Variants in MAPKAP1 observed in about 807,000 individuals in gnomAD.
MAPKAP1 encodes target of rapamycin complex 2 subunit MAPKAP1.
MAPKAP1 carries 20 observed loss-of-function variants against 65.7 expected under a neutral mutation model. The observed-to-expected ratio is 0.30, with a 90% confidence interval of 0.21 to 0.44. The LOEUF (loss-of-function observed/expected upper bound fraction) is 0.44. Ranked by LOEUF, MAPKAP1 falls within the 20% of genes least tolerant of loss-of-function variation. MAPKAP1 has a pLI of 1.00. For missense variants in MAPKAP1, 423 were observed against 648.0 expected (o/e 0.65, Z 3.77); for synonymous variants, 222 against 244.3 (o/e 0.91, Z 0.85).
chr9:125,690,596 T>C (rs1011228603), intron 1 of MAPKAP1, among the ~76,000 whole-genome samples: 4 of 152,250 alleles, frequency 2.6e-5, no homozygotes, highest in Non-Finnish European at 5.9e-5. Flanking sequence ...ATACATGTTA[T>C]GTGCTTCAGT....
intron 4 of MAPKAP1, among the ~76,000 whole-genome samples, chr9:125,605,669 G>A (rs1564579287): frequency 6.6e-6 from 1 of 152,202 alleles, no homozygotes; most frequent in African/African-American, 2.4e-5. Flanking sequence ...AGAGGCAGAG[G>A]TGTCAACTTT....
At chr9:125,565,797 T>A in intron 5 of MAPKAP1, 1 of 393,028 alleles carries the variant, frequency 2.5e-6, no homozygotes, top group Admixed American at 3.8e-5. Context: ...AGAGATGTTG[T>A]AAGGAATAAA....
intron 4 of MAPKAP1, among the ~76,000 whole-genome samples, chr9:125,617,018 A>T (rs1332984350): frequency 6.6e-6 from 1 of 152,250 alleles, no homozygotes; most frequent in Non-Finnish European, 1.5e-5. Flanking sequence ...ATGTGCACTT[A>T]ATATGCATGT....
intron 4 of MAPKAP1, among the ~76,000 whole-genome samples, chr9:125,611,316 T>C (rs1200067827): frequency 1.3e-5 from 2 of 152,168 alleles, no homozygotes; most frequent in African/African-American, 4.8e-5. Context: ...ATGCAACATA[T>C]GGGTTCCACA....
At chr9:125,539,930 G>A (rs1166640877) in intron 7 of MAPKAP1, among the ~76,000 whole-genome samples, 1 of 152,084 alleles carries the variant, frequency 6.6e-6, no homozygotes, top group Non-Finnish European at 1.5e-5. Flanking sequence ...CCTTAGCAGA[G>A]AATTGACTGA....
intron 10 of MAPKAP1, among the ~76,000 whole-genome samples, chr9:125,459,532 A>C (rs1381960507): frequency 1.3e-5 from 2 of 152,132 alleles, no homozygotes; most frequent in Non-Finnish European, 2.9e-5. Context: ...ACCATTGAGC[A>C]CTGAGTGAAC....
At chr9:125,617,134 A>G (rs1449138335) in intron 4 of MAPKAP1, among the ~76,000 whole-genome samples, 1 of 152,216 alleles carries the variant, frequency 6.6e-6, no homozygotes, top group Non-Finnish European at 1.5e-5. Flanking sequence ...TTATACCCCA[A>G]AATGTATTTC....
chr9:125,693,846 T>TACACACACACACAC lies in MAPKAP1; in HGVS notation c.-70+13111_-70+13124dup, dbSNP rs1554844769. On this transcript the variant is annotated intron_variant, in intron 1 of 11. Coordinates refer to ENST00000265960, the MANE Select transcript of MAPKAP1 (RefSeq NM_001006617.3). ...ACACACACACATATATATACACACA[T>TACACACACACACAC]ACACACACACACACACACACACACA... Among the ~76,000 whole-genome samples the TACACACACACACAC allele has an allele frequency of 1.3e-4, 18 of 135,446 alleles. 1 individual carries two copies. Among genetic ancestry groups the TACACACACACACAC allele is most frequent in the African/African-American group, 4.4e-4 (16 of 36,546 alleles). 88.9% of individuals were successfully genotyped at this position (135,446 alleles called of 152,430 possible). A position where few individuals can be genotyped will look rare whatever the true frequency, so the allele number is the denominator to read the frequency against.
rs1021012834 is a variant in MAPKAP1 at position 125,438,796 on chromosome 9, G to A, written c.*91C>T. 3.9e-6 allele frequency: 6 copies of A among 1,549,502 alleles called. No homozygotes were observed. The highest frequency in any genetic ancestry group is 1.4e-5 in the African/African-American group (1 of 73,528). Reference sequence around the variant, plus strand: ...GTGAGCCAGGGGCTGGCCTCCCCCCGAGGACTTCAGGACACCGGGTGGACT... The same window carrying A: ...GTGAGCCAGGGGCTGGCCTCCCCCCAAGGACTTCAGGACACCGGGTGGACT... On this transcript the variant is annotated 3_prime_UTR_variant, in exon 12 of 12. Transcript: ENST00000265960.
At chr9:125,608,447 A>G (rs149842126) in intron 4 of MAPKAP1, among the ~76,000 whole-genome samples, 1,756 of 152,220 alleles carry the variant, frequency 0.012, 17 homozygotes, top group South Asian at 0.041. Flanking sequence ...AAACCCCCAA[A>G]TGCCAGGCTT....
At chr9:125,660,212 T>C (rs745807908) in intron 3 of MAPKAP1, among the ~76,000 whole-genome samples, 6 of 152,122 alleles carry the variant, frequency 3.9e-5, no homozygotes, top group Non-Finnish European at 8.8e-5. Flanking sequence ...TTAAATACCA[T>C]CTATAAGGGG....
At chr9:125,657,107 T>C (rs1025490999) in intron 4 of MAPKAP1, among the ~76,000 whole-genome samples, 2 of 152,260 alleles carry the variant, frequency 1.3e-5, no homozygotes, top group East Asian at 3.9e-4. Flanking sequence ...AAACAATTTC[T>C]ACAGTTATAA....
chr9:125,704,842 C>A (rs965509285), intron 1 of MAPKAP1, among the ~76,000 whole-genome samples: 1 of 152,180 alleles, frequency 6.6e-6, no homozygotes, highest in Non-Finnish European at 1.5e-5. Flanking sequence ...TTACCACGTA[C>A]CAGGCCCTTT....
At chr9:125,565,593 T>C (rs1831025755) in intron 5 of MAPKAP1, 1 of 332,532 alleles carries the variant, frequency 3.0e-6, no homozygotes, top group South Asian at 2.6e-5. Flanking sequence ...GTCATGAGGA[T>C]TGCAGCTCAG....
intron 3 of MAPKAP1, among the ~76,000 whole-genome samples, chr9:125,662,233 T>A (rs2131769548): frequency 6.6e-6 from 1 of 151,996 alleles, no homozygotes; most frequent in African/African-American, 2.4e-5. Context: ...AATGCAAAAA[T>A]TAGCCAGGAA....
chr9:125,574,340 A>T (rs562226768), intron 5 of MAPKAP1, among the ~76,000 whole-genome samples: 1 of 152,394 alleles, frequency 6.6e-6, no homozygotes, highest in African/African-American at 2.4e-5. Context: ...AAAAGCACTT[A>T]TGGTATTGAT....
At position 125,579,954 on chromosome 9, in the gene MAPKAP1, A is replaced by G. The variant is rs186320508; in HGVS notation, c.671+5601T>C. ...TATGGAACAACTATTTAAAAATGTCATATAATTGTAGTCCAATATCAACAC... is the reference window on the plus strand; with the variant it reads ...TATGGAACAACTATTTAAAAATGTCGTATAATTGTAGTCCAATATCAACAC... On this transcript the variant is annotated intron_variant, in intron 5 of 11. Coordinates refer to ENST00000265960, the MANE Select transcript of MAPKAP1 (RefSeq NM_001006617.3). Among the ~76,000 whole-genome samples the G allele has an allele frequency of 3.9e-5, 6 of 152,358 alleles. No homozygotes were observed. In the East Asian group the frequency reaches 1.2e-3, roughly 29 times the overall value.
At chr9:125,511,132 T>C in intron 7 of MAPKAP1, among the ~76,000 whole-genome samples, 1 of 152,006 alleles carries the variant, frequency 6.6e-6, no homozygotes, top group East Asian at 1.9e-4. Flanking sequence ...AATGCATTAA[T>C]AGTGTGATTT....
intron 4 of MAPKAP1, among the ~76,000 whole-genome samples, chr9:125,622,007 T>C (rs531705120): frequency 1.3e-5 from 2 of 152,210 alleles, no homozygotes; most frequent in African/African-American, 4.8e-5. Flanking sequence ...CTGGAGGACA[T>C]TATGTTGAGA....
Sources: allele counts gnomAD v4.1 joint callset (sites outside exome capture counted in the v4.1 genomes callset), GRCh38; gene constraint gnomAD v4.1.1; transcripts MANE v1.5; gene names NCBI Gene and HGNC (gene_info 2026-07-23, HGNC 2026-07-21).